The following SLC44A2 variants were observed in gnomAD, a reference collection of about 807,000 sequenced individuals.
SLC44A2 encodes the protein choline transporter-like protein 2.
SLC44A2 carries 57 observed loss-of-function variants against 90.8 expected under a neutral mutation model. The ratio of observed to expected loss-of-function variants is 0.63; its 90% confidence interval spans 0.51 to 0.78. The LOEUF (loss-of-function observed/expected upper bound fraction) is 0.78, where lower values mean the gene tolerates loss of function less well. SLC44A2 is among the 30% of genes least tolerant of loss of function. The pLI is 0.00. For missense variants in SLC44A2, 794 were observed against 919.7 expected (o/e 0.86, Z 1.77); for synonymous variants, 355 against 360.7 (o/e 0.98, Z 0.18).
At chr19:10,637,804 AC>A (rs2067074849) in intron 17 of SLC44A2, 51 bp from the exon 18 acceptor site, 1 of 1,611,964 alleles carries the variant, frequency 6.2e-7, no homozygotes, top group South Asian at 1.1e-5. Context: ...TGAGAGGACC[AC>A]CCCCCATGCC....
Position 10,625,608 on chromosome 19 carries a change from G to A in SLC44A2, c.-26G>A. 1 of 1,243,476 alleles carries A rather than the reference G, an allele frequency of 8.0e-7. No homozygotes were observed. The allele number at this position is 1,243,476 out of a possible 1,614,324, so 77.0% of individuals were successfully genotyped here. A position where few individuals can be genotyped will look rare whatever the true frequency, so the allele number is the denominator to read the frequency against. On this transcript the variant is annotated 5_prime_UTR_variant, in exon 1 of 22. Coordinates refer to ENST00000335757, the MANE Select transcript of SLC44A2 (RefSeq NM_020428.4). ...GGGGGCGCGGGAGAGAGCGCGGGCG[G>A]CCGCCGGGGCTGGTCGCCTGCAGGG...
At chr19:10,626,167 C>T (rs2066931105) in intron 1 of SLC44A2, 86 bp from the exon 2 acceptor site, 2 of 1,093,776 alleles carry the variant, frequency 1.8e-6, no homozygotes, top group East Asian at 2.3e-5. Context: ...CAAAGACACC[C>T]CTAGGGGCTT....
intron 1 of SLC44A2, among the ~76,000 whole-genome samples, chr19:10,603,875 A>G (rs1392222250): frequency 6.6e-6 from 1 of 152,090 alleles, no homozygotes; most frequent in Non-Finnish European, 1.5e-5. Context: ...TTGGGTCTCT[A>G]TGAAGTTTGG....
intron 4 of SLC44A2, 116 bp downstream of exon 4, chr19:10,628,120 C>G: frequency 1.1e-6 from 1 of 942,086 alleles, no homozygotes; most frequent in Non-Finnish European, 1.6e-6. Flanking sequence ...CGCGGTGACT[C>G]ACGCCCGAAA....
intron 20 of SLC44A2, among the ~76,000 whole-genome samples, chr19:10,639,860 G>A (rs2144889001): frequency 6.6e-6 from 1 of 151,918 alleles, no homozygotes; most frequent in East Asian, 1.9e-4. Flanking sequence ...GAGCCTGGGT[G>A]ACAGAGTGAG....
upstream of SLC44A2, among the ~76,000 whole-genome samples, chr19:10,623,106 C>T (rs1168487981): frequency 6.6e-6 from 1 of 151,948 alleles, no homozygotes; most frequent in Admixed American, 6.6e-5. Flanking sequence ...GAGAAGAGGC[C>T]TGTGGCTCGC....
rs1012814720 is a variant in SLC44A2, at chr19:10,606,911, ATT to A, written c.31+4367_31+4368del. Among the ~76,000 whole-genome samples the A allele has an allele frequency of 2.0e-3, 267 of 133,232 alleles. 1 individual carries two copies. Among genetic ancestry groups the A allele is most frequent in the African/African-American group, 6.8e-3 (247 of 36,172 alleles). 87.4% of individuals were successfully genotyped at this position (133,232 alleles called of 152,430 possible). Reference sequence around the variant, plus strand: ...TATGAAAAGGTAGTTACTTACGGCTATTTTTTTTTTTTTTTTTTGAGACGGAG... The same window carrying A: ...TATGAAAAGGTAGTTACTTACGGCTATTTTTTTTTTTTTTTTGAGACGGAG... On this transcript the variant is annotated intron_variant, in intron 1 of 21. Coordinates refer to the SLC44A2 transcript ENST00000407327.
rs753124039 is a variant in SLC44A2 at position 10,627,730 on chromosome 19, C to T, written c.95C>T (p.Thr32Met). 2.5e-6 allele frequency: 4 copies of T among 1,613,294 alleles called. No individual in the cohort carries two copies. The highest frequency in any genetic ancestry group is 1.8e-4 in the Middle Eastern group (1 of 5,460). The change falls in exon 3 of 22, where the codon ACG (threonine) becomes ATG (methionine). Residue 32 changes from threonine (T) to methionine (M), a missense_variant. Coordinates refer to ENST00000335757, the MANE Select transcript of SLC44A2 (RefSeq NM_020428.4). ...FKGPIYNRGC[T>M]DIICCVFLLL... is the part of the protein sequence containing the mutation. ...GCCCCTCTGCTCCCCAGGGGCTGCACGGATATCATATGCTGTGTGTTCCTG... is the reference window on the plus strand; with the variant it reads ...GCCCCTCTGCTCCCCAGGGGCTGCATGGATATCATATGCTGTGTGTTCCTG...
chr19:10,643,393 G>T lies in SLC44A2; in HGVS notation c.*8G>T. 1 of 1,604,862 alleles carries T rather than the reference G, an allele frequency of 6.2e-7. No homozygotes were observed. Among genetic ancestry groups the T allele is most frequent in the Non-Finnish European group, 8.5e-7 (1 of 1,174,758 alleles). On this transcript the variant is annotated 3_prime_UTR_variant, in exon 22 of 22. Coordinates refer to ENST00000335757, the MANE Select transcript of SLC44A2 (RefSeq NM_020428.4). ...AAGGCAGCGGAGTCCTGAAGGCCCC[G>T]TGCTCCCCACCTCTCAAGGAGTCTC... is the stretch of plus-strand genomic sequence containing the variant.
intron 21 of SLC44A2, 177 bp from the exon 22 acceptor site, chr19:10,643,102 G>C (rs1297202676): frequency 1.4e-6 from 2 of 1,452,048 alleles, no homozygotes; most frequent in Non-Finnish European, 1.8e-6. Flanking sequence ...TGGCCTGCGA[G>C]TGTGGGGATC....
chr19:10,634,965 C>T lies in SLC44A2; in HGVS notation c.956-9C>T. 6.2e-7 allele frequency: 1 copy of T among 1,614,124 alleles called. No homozygotes were observed. The highest frequency in any genetic ancestry group is 8.5e-7 in the Non-Finnish European group (1 of 1,180,026). On this transcript the variant is annotated splice_polypyrimidine_tract_variant and intron_variant, in intron 11 of 21. Transcript: ENST00000335757. ...GGAGCCCAGCCGGCTCAGCCTTTGC[C>T]CTTTGCAGTGATCATTCTGAGTATC...
intron 1 of SLC44A2, among the ~76,000 whole-genome samples, chr19:10,618,069 AT>A (rs2066869492): frequency 6.6e-6 from 1 of 151,638 alleles, no homozygotes; most frequent in Non-Finnish European, 1.5e-5. Context: ...CAGTGGCGTG[AT>A]CTCGGCTCAC....
At chr19:10,624,658 G>A (rs1429463853), upstream of SLC44A2, among the ~76,000 whole-genome samples, 1 of 152,224 alleles carries the variant, frequency 6.6e-6, no homozygotes, top group Non-Finnish European at 1.5e-5. Context: ...TGAGGAAACT[G>A]AGGCTTAAGG....
chr19:10,628,005 G>C lies in SLC44A2; in HGVS notation c.245+1G>C. ...GCGGGCAGAAGGGCACAAAAAACGA[G>C]TGAGTTGACTCCTTGCGGCCTGGTG... On this transcript the variant is annotated splice_donor_variant, in intron 4 of 21. Coordinates refer to ENST00000335757, the MANE Select transcript of SLC44A2 (RefSeq NM_020428.4). LOFTEE classifies it high-confidence loss of function. 6.2e-7 allele frequency: 1 copy of C among 1,612,548 alleles called. No individual in the cohort carries two copies. The highest frequency in any genetic ancestry group is 1.1e-5 in the South Asian group (1 of 90,858).
chr19:10,634,639 G>GT (rs1413248952), intron 10 of SLC44A2, 117 bp from the exon 11 acceptor site: 69 of 1,479,816 alleles, frequency 4.7e-5, no homozygotes, highest in Middle Eastern at 3.6e-4. Flanking sequence ...AACTGCAAGT[G>GT]TAAAGTCCCT....
At chr19:10,623,644 C>T (rs571625541), upstream of SLC44A2, among the ~76,000 whole-genome samples, 1 of 151,768 alleles carries the variant, frequency 6.6e-6, no homozygotes, top group South Asian at 2.1e-4. Flanking sequence ...AGTTTGAGCC[C>T]AGCCTGGGTA....
chr19:10,638,696 A>G (rs1270953744), intron 20 of SLC44A2, among the ~76,000 whole-genome samples: 4 of 151,608 alleles, frequency 2.6e-5, no homozygotes, highest in Non-Finnish European at 1.5e-5. Context: ...GTGCAGTGAA[A>G]TGATCTTGGC....
At chr19:10,628,150 C>T (rs191488621) in intron 4 of SLC44A2, 146 bp downstream of exon 4, 121 of 719,340 alleles carry the variant, frequency 1.7e-4, no homozygotes, top group Non-Finnish European at 2.7e-4. Context: ...TTTGGGAGGC[C>T]GAGGCAGGAA....
intron 20 of SLC44A2, among the ~76,000 whole-genome samples, chr19:10,640,505 C>T (rs1405575417): frequency 6.6e-6 from 1 of 152,110 alleles, no homozygotes; most frequent in Non-Finnish European, 1.5e-5. Context: ...TATTGCCAGG[C>T]TGGTCTTGAA....
Sources: gnomAD v4.1 joint callset for allele counts (sites outside exome capture counted in the v4.1 genomes callset) on GRCh38, gnomAD v4.1.1 for gene constraint, MANE v1.5 for transcripts, NCBI Gene and HGNC (gene_info 2026-07-23, HGNC 2026-07-21) for gene names.